The following MAST2 variants were observed in gnomAD, a reference collection of about 807,000 sequenced individuals.
MAST2 encodes the protein microtubule associated serine/threonine kinase 2.
Under a neutral mutation model 147.4 loss-of-function variants are expected in MAST2, and 70 were observed. That is an observed-to-expected ratio of 0.47 (90% CI 0.39 to 0.58). The LOEUF (loss-of-function observed/expected upper bound fraction) is 0.58, where lower values mean the gene tolerates loss of function less well. Ranked by LOEUF, MAST2 falls within the 20% of genes least tolerant of loss-of-function variation. The pLI is 0.00. For missense variants in MAST2, 2,080 were observed against 2,302.3 expected (o/e 0.90, Z 1.98); for synonymous variants, 869 against 896.8 (o/e 0.97, Z 0.55).
At chr1:45,931,417 T>A (rs968368663) in intron 4 of MAST2, among the ~76,000 whole-genome samples, 13 of 139,550 alleles carry the variant, frequency 9.3e-5, no homozygotes, top group Non-Finnish European at 2.0e-4. Flanking sequence ...AGTCTTGCTC[T>A]GTTGCCCAGG....
At position 46,033,960 on chromosome 1, in the gene MAST2, G is replaced by C. The variant is rs1393751020; in HGVS notation, c.3674+22G>C. 1.9e-6 allele frequency: 3 copies of C among 1,613,446 alleles called. No homozygotes were observed. The South Asian group carries it at 3.3e-5, about 18-fold the overall frequency. On this transcript the variant is annotated intron_variant, in intron 27 of 28. Transcript: ENST00000361297. ...AAAGGTGAGCCAGGCGCAGTGAAGA[G>C]GGTTTTCTCTGAGCCACATGAGTGC...
chr1:45,994,337 G>A (rs1435774042), intron 5 of MAST2, among the ~76,000 whole-genome samples: 2 of 134,232 alleles, frequency 1.5e-5, no homozygotes, highest in Non-Finnish European at 3.1e-5. Flanking sequence ...CCAGGCTGGA[G>A]TGCAGTGGCA....
At chr1:46,005,972 G>T (rs1399447445) in intron 7 of MAST2, among the ~76,000 whole-genome samples, 1 of 152,166 alleles carries the variant, frequency 6.6e-6, no homozygotes, top group East Asian at 1.9e-4. Context: ...AACTACTTTT[G>T]CAGCTCTAAA....
At chr1:45,988,189 T>C (rs2149100833) in intron 5 of MAST2, among the ~76,000 whole-genome samples, 1 of 152,176 alleles carries the variant, frequency 6.6e-6, no homozygotes, top group Non-Finnish European at 1.5e-5. Context: ...ATTTATTTTA[T>C]TTTTTGTAGA....
chr1:45,815,049 T>G (rs1158751332), intron 1 of MAST2, among the ~76,000 whole-genome samples: 1 of 152,372 alleles, frequency 6.6e-6, no homozygotes, highest in East Asian at 1.9e-4. Context: ...AGCTTGAGTG[T>G]AGGTTCCTTA....
chr1:45,939,958 G>A (rs957589981), intron 4 of MAST2, among the ~76,000 whole-genome samples: 3 of 143,636 alleles, frequency 2.1e-5, no homozygotes, highest in African/African-American at 2.6e-5. Flanking sequence ...ATCCAAGAAC[G>A]GAAGTTCTCT....
intron 3 of MAST2, among the ~76,000 whole-genome samples, chr1:45,857,327 T>C (rs995800832): frequency 1.3e-5 from 2 of 152,232 alleles, no homozygotes; most frequent in Non-Finnish European, 2.9e-5. Flanking sequence ...ATGTAAATGA[T>C]AAAATATTAT....
chr1:46,010,871 C>T lies in MAST2; in HGVS notation c.1120C>T (p.Arg374Trp), dbSNP rs754083908. Residue 374 changes from arginine (R) to tryptophan (W), a missense_variant, in exon 10 of 29, where the codon CGG (arginine) becomes TGG (tryptophan). Physicochemically the swap from Arg to Trp is moderately radical, Grantham distance 101 (BLOSUM62 -3). Coordinates refer to ENST00000361297, the MANE Select transcript of MAST2 (RefSeq NM_015112.3). ...GGCCCGAGACTGCCTGGATAAATCT[C>T]GGAGTGGCCTCATTACATCACAATA... The part of the protein sequence containing the change: ...EMARDCLDKS[R>W]SGLITSQYFY... 22 of 1,614,224 alleles carry T rather than the reference C, an allele frequency of 1.4e-5. No individual in the cohort carries two copies. The highest frequency in any genetic ancestry group is 1.7e-5 in the Non-Finnish European group (20 of 1,180,040).
chr1:45,908,901 A>T (rs1439562036), intron 4 of MAST2, among the ~76,000 whole-genome samples: 2 of 152,210 alleles, frequency 1.3e-5, no homozygotes, highest in East Asian at 3.9e-4. Flanking sequence ...TTCTTGCATT[A>T]CATGTGTCCC....
intron 4 of MAST2, among the ~76,000 whole-genome samples, chr1:45,909,732 G>T (rs1244459705): frequency 6.6e-6 from 1 of 152,142 alleles, no homozygotes; most frequent in African/African-American, 2.4e-5. Context: ...TGACCAGGAT[G>T]GTCTTGATCT....
At chr1:46,022,778 C>A in intron 12 of MAST2, 132 bp from the exon 13 acceptor site, 1 of 717,870 alleles carries the variant, frequency 1.4e-6, no homozygotes, top group East Asian at 2.5e-5. Flanking sequence ...TGCCATGGGA[C>A]TGAATTCACA....
chr1:45,810,810 CAAAA>C (rs909997197), intron 1 of MAST2, among the ~76,000 whole-genome samples: 1 of 35,588 alleles, frequency 2.8e-5, no homozygotes, highest in Admixed American at 2.9e-4. Flanking sequence ...GACTCCATCT[CAAAA>C]AAAAAAAAAA....
At chr1:45,875,403 G>A (rs377738525) in intron 3 of MAST2, among the ~76,000 whole-genome samples, 2 of 152,060 alleles carry the variant, frequency 1.3e-5, no homozygotes, top group Admixed American at 6.6e-5. Flanking sequence ...CCAAGATCGC[G>A]CCACTGCACT....
chr1:45,965,517 G>A (rs1661057752), intron 5 of MAST2, among the ~76,000 whole-genome samples: 1 of 152,072 alleles, frequency 6.6e-6, no homozygotes, highest in South Asian at 2.1e-4. Context: ...TTGGTTTAAA[G>A]TCTGTTTTAT....
intron 4 of MAST2, among the ~76,000 whole-genome samples, chr1:45,900,196 G>GTTTT: frequency 1.7e-5 from 2 of 114,834 alleles, no homozygotes; most frequent in Admixed American, 9.0e-5. Context: ...AAAAAAAAAA[G>GTTTT]ATTTACCCTT....
At chr1:45,899,307 CTTTTTTTTT>C (rs770069959) in intron 4 of MAST2, among the ~76,000 whole-genome samples, 4 of 108,030 alleles carry the variant, frequency 3.7e-5, no homozygotes, top group Admixed American at 2.2e-4. Flanking sequence ...CCTTTCTTTT[CTTTTTTTTT>C]TTTTTTTTTT....
intron 3 of MAST2, among the ~76,000 whole-genome samples, chr1:45,860,184 CCT>C (rs781249776): frequency 5.4e-4 from 77 of 143,750 alleles, no homozygotes; most frequent in African/African-American, 1.9e-3. Context: ...ATGGTAAACC[CCT>C]GTCTCTACTA....
At chr1:46,026,005 G>A (rs1646394268) in intron 16 of MAST2, among the ~76,000 whole-genome samples, 190 bp downstream of exon 16, 3 of 152,302 alleles carry the variant, frequency 2.0e-5, no homozygotes, top group South Asian at 4.2e-4. Flanking sequence ...TCAAGGTCTG[G>A]CTGGAACACT....
intron 4 of MAST2, among the ~76,000 whole-genome samples, chr1:45,931,378 T>TTG (rs1297504508): frequency 1.5e-4 from 2 of 13,728 alleles, no homozygotes; most frequent in South Asian, 5.6e-3. Context: ...TTGTGTTCTG[T>TTG]TTTTTTTTTT....
Sources: gnomAD v4.1 joint callset for allele counts (sites outside exome capture counted in the v4.1 genomes callset) on GRCh38, gnomAD v4.1.1 for gene constraint, MANE v1.5 for transcripts, NCBI Gene and HGNC (gene_info 2026-07-23, HGNC 2026-07-21) for gene names.